Variants in GPR89A observed in about 807,000 individuals in gnomAD.
GPR89A encodes G protein-coupled receptor 89A.
Under a neutral mutation model 52.0 loss-of-function variants are expected in GPR89A, and 16 were observed. The observed-to-expected ratio is 0.31, with a 90% CI of 0.21 to 0.47. The LOEUF is 0.47. Among genes scored for constraint, GPR89A ranks in the 20% least tolerant of loss-of-function variants. The pLI, the probability that GPR89A is intolerant of heterozygous loss-of-function variation, is 1.00. For missense variants in GPR89A, 135 were observed against 449.4 expected, an observed-to-expected ratio of 0.30 and a Z score of 6.33; for synonymous variants, 55 against 150.9, an observed-to-expected ratio of 0.36 and a Z score of 4.66.
chr1:145,663,219 A>G, intron 10 of GPR89A, 110 bp from the exon 11 acceptor site: 1 of 1,585,116 alleles, frequency 6.3e-7, no homozygotes, highest in South Asian at 1.1e-5. Context: ...ATTTTTAGGA[A>G]CATTGACCTG....
intron 1 of GPR89A, among the ~76,000 whole-genome samples, chr1:145,610,951 T>C (rs772310760): frequency 1.3e-5 from 2 of 152,196 alleles, no homozygotes; most frequent in African/African-American, 4.8e-5. Flanking sequence ...ATAAGACTTA[T>C]CAGTTCCAGA....
At chr1:145,628,778 G>A (rs1649680333) in intron 5 of GPR89A, among the ~76,000 whole-genome samples, 2 of 152,200 alleles carry the variant, frequency 1.3e-5, no homozygotes, top group African/African-American at 2.4e-5. Context: ...AAGCTGGATT[G>A]CAGTCAGTTA....
At chr1:145,624,363 CA>C (rs1649340244) in intron 5 of GPR89A, among the ~76,000 whole-genome samples, 1 of 122,048 alleles carries the variant, frequency 8.2e-6, no homozygotes. Context: ...AAACAATGAA[CA>C]AAAGTACCTC....
chr1:145,657,408 A>AT (rs1651882540), intron 10 of GPR89A, among the ~76,000 whole-genome samples: 1 of 149,062 alleles, frequency 6.7e-6, no homozygotes, highest in African/African-American at 2.5e-5. Flanking sequence ...AAAAAAATTG[A>AT]TTCCATATGT....
At chr1:145,665,892 G>A (rs1413390861) in intron 12 of GPR89A, among the ~76,000 whole-genome samples, 2 of 151,292 alleles carry the variant, frequency 1.3e-5, no homozygotes, top group African/African-American at 2.4e-5. Context: ...TACTTGGGAG[G>A]CTGAGTTAGG....
At chr1:145,615,686 C>CA (rs1380632980) in intron 1 of GPR89A, among the ~76,000 whole-genome samples, 1 of 132,022 alleles carries the variant, frequency 7.6e-6, no homozygotes, top group Non-Finnish European at 1.6e-5. Context: ...AATGCAGTGG[C>CA]ACGATATTGG....
intron 7 of GPR89A, among the ~76,000 whole-genome samples, chr1:145,639,102 T>C (rs1650452100): frequency 6.6e-6 from 1 of 151,560 alleles, no homozygotes; most frequent in Non-Finnish European, 1.5e-5. Context: ...ATATAGGACT[T>C]GTTTGCTGAA....
chr1:145,612,682 G>A (rs1325772876), intron 1 of GPR89A, among the ~76,000 whole-genome samples: 1 of 152,072 alleles, frequency 6.6e-6, no homozygotes, highest in African/African-American at 2.4e-5. Context: ...CTCAATAAAA[G>A]TTACCTAATC....
At position 145,660,685 on chromosome 1, in the gene GPR89A, G is replaced by T. The variant is rs587625088; in HGVS notation, c.910-2644G>T. On this transcript the variant is annotated intron_variant, in intron 10 of 13. Coordinates refer to ENST00000313835, the MANE Select transcript of GPR89A (RefSeq NM_001097612.2). The stretch of plus-strand genomic sequence containing the variant: ...CTTCTCAAAAGAAGACTTTTATGCC[G>T]CCAAAAAACACAAGAAAAAATGCTC... Among the ~76,000 whole-genome samples the T allele has an allele frequency of 7.2e-5, 11 of 151,828 alleles. 1 individual carries two copies. In the South Asian group the frequency reaches 2.1e-3, roughly 29 times the overall value.
At chr1:145,622,609 AT>A (rs1394071557) in intron 3 of GPR89A, among the ~76,000 whole-genome samples, 2 of 96,186 alleles carry the variant, frequency 2.1e-5, no homozygotes, top group Non-Finnish European at 4.2e-5. Flanking sequence ...AATAAAAGTA[AT>A]TCATGCAAAT....
rs1455543789 is a variant in GPR89A at position 145,628,578 on chromosome 1, A to G, written c.416-2109A>G. Among the ~76,000 whole-genome samples the G allele has an allele frequency of 2.6e-5, 4 of 151,776 alleles. No individual in the cohort carries two copies. The East Asian group carries it at 5.8e-4, about 22-fold the overall frequency. ...AGTTACTTAACCTCTCTGTGCCTCCATTTCTTCATCTGTAAAATTAGGTTT... is the reference window on the plus strand; with the variant it reads ...AGTTACTTAACCTCTCTGTGCCTCCGTTTCTTCATCTGTAAAATTAGGTTT... On this transcript the variant is annotated intron_variant, in intron 5 of 13. Transcript: ENST00000313835.
intron 7 of GPR89A, among the ~76,000 whole-genome samples, chr1:145,640,198 C>A: frequency 9.3e-6 from 1 of 107,104 alleles, no homozygotes; most frequent in Non-Finnish European, 1.8e-5. Flanking sequence ...GCCTGGGCAA[C>A]AGAGCGAGAC....
intron 7 of GPR89A, among the ~76,000 whole-genome samples, chr1:145,639,431 G>C (rs1236756602): frequency 1.3e-5 from 2 of 152,040 alleles, no homozygotes; most frequent in African/African-American, 2.4e-5. Flanking sequence ...TAGATCACTG[G>C]AACAGAAAAG....
chr1:145,647,098 A>G (rs1484666465), intron 9 of GPR89A, 77 bp from the exon 10 acceptor site: 64 of 1,526,744 alleles, frequency 4.2e-5, no homozygotes, highest in Admixed American at 3.4e-4. Flanking sequence ...ACAGTGATTC[A>G]TAGAGGGAAG....
intron 10 of GPR89A, among the ~76,000 whole-genome samples, chr1:145,655,789 A>C (rs1314465176): frequency 1.3e-5 from 2 of 152,066 alleles, no homozygotes; most frequent in Non-Finnish European, 2.9e-5. Flanking sequence ...CTGCTTAAGG[A>C]AGCACTCTGA....
intron 1 of GPR89A, chr1:145,611,614 C>T (rs1553686150): frequency 6.6e-6 from 1 of 151,210 alleles, no homozygotes; most frequent in Non-Finnish European, 1.5e-5. Flanking sequence ...CTCTTTTCTT[C>T]CATTCCCCTC....
At chr1:145,646,579 A>G (rs1468919626) in intron 9 of GPR89A, 2 of 421,416 alleles carry the variant, frequency 4.7e-6, no homozygotes, top group Non-Finnish European at 8.5e-6. Flanking sequence ...AGCTACTTTT[A>G]TTCCTTTATA....
rs587659242 is a variant in GPR89A, at chr1:145,628,908, C to T, written c.416-1779C>T. On this transcript the variant is annotated intron_variant, in intron 5 of 13. Transcript: ENST00000313835. ...CTAGACGTAAACTCGAAGCCAAGAA[C>T]AGAATTTCTCTTAGAAAAGAGAATT... is the stretch of plus-strand genomic sequence containing the variant. Among the ~76,000 whole-genome samples, 4 of 151,930 alleles carry T rather than the reference C, an allele frequency of 2.6e-5. No individual in the cohort carries two copies. The East Asian group carries it at 7.7e-4, about 29-fold the overall frequency.
chr1:145,667,817 G>C (rs1243135594), intron 12 of GPR89A, among the ~76,000 whole-genome samples: 3 of 151,990 alleles, frequency 2.0e-5, no homozygotes, highest in Admixed American at 2.0e-4. Flanking sequence ...AGCACCATTT[G>C]TTAAATAGGG....
Sources: gnomAD v4.1 joint callset for allele counts (sites outside exome capture counted in the v4.1 genomes callset) on GRCh38, gnomAD v4.1.1 for gene constraint, MANE v1.5 for transcripts, NCBI Gene and HGNC (gene_info 2026-07-23, HGNC 2026-07-21) for gene names.